The following SLC23A2 variants were observed in gnomAD, a reference collection of about 807,000 sequenced individuals.
The protein encoded by SLC23A2 is Na(+)/L-ascorbic acid transporter 2.
SLC23A2 carries 36 observed loss-of-function variants against 73.3 expected under a neutral mutation model. That is an observed-to-expected ratio of 0.49 (90% CI 0.38 to 0.65). The LOEUF is 0.65. Ranked by LOEUF, SLC23A2 falls within the 30% of genes least tolerant of loss-of-function variation. SLC23A2 has a pLI of 0.00. For synonymous variants in SLC23A2, 343 were observed against 327.3 expected, an observed-to-expected ratio of 1.05 and a Z score of -0.52; for missense variants, 507 against 841.6, an observed-to-expected ratio of 0.60 and a Z score of 4.92.
At chr20:4,919,910 T>C (rs1021099967) in intron 3 of SLC23A2, among the ~76,000 whole-genome samples, 2 of 152,080 alleles carry the variant, frequency 1.3e-5, no homozygotes, top group African/African-American at 2.4e-5. Flanking sequence ...GAAATAAACA[T>C]GCTTCTTGAA....
chr20:4,954,289 T>C (rs1265630596), intron 2 of SLC23A2, among the ~76,000 whole-genome samples: 1 of 152,266 alleles, frequency 6.6e-6, no homozygotes, highest in Non-Finnish European at 1.5e-5. Flanking sequence ...GCTAATATAA[T>C]AGATATCAAA....
rs202125400 is a variant in SLC23A2 at position 4,862,794 on chromosome 20, C to G, written c.1470G>C (p.Leu490=). The G allele has an allele frequency of 6.1e-5, 99 of 1,613,852 alleles. 1 individual carries two copies. The highest frequency in any genetic ancestry group is 8.3e-5 in the Admixed American group (5 of 60,016). The part of the protein sequence containing the change: ...ASLPDPVLGA[L]FCTLFGMITA... ...GAGTCTTACCAAAGAGCGTGCAGAACAGGGCTCCCAGCACAGGATCCGGAA... is the reference window on the plus strand; with the variant it reads ...GAGTCTTACCAAAGAGCGTGCAGAAGAGGGCTCCCAGCACAGGATCCGGAA... The change falls in exon 14 of 17, where the codon CTG becomes CTC. Residue 490 remains leucine (L), a synonymous_variant. Coordinates refer to ENST00000338244, the MANE Select transcript of SLC23A2 (RefSeq NM_005116.6). The surrounding 1 kb of genome is among the most constrained non-coding windows in gnomAD (Gnocchi z 5.1).
chr20:4,907,254 T>C (rs1715386), intron 4 of SLC23A2, among the ~76,000 whole-genome samples: 116,875 of 151,932 alleles, frequency 0.77, 45,286 homozygotes, highest in Non-Finnish European at 0.81. Context: ...CTAGAGAAAG[T>C]TGATCAGCCC....
chr20:5,003,453 C>G (rs1055887662), upstream of SLC23A2, among the ~76,000 whole-genome samples: 6 of 151,836 alleles, frequency 4.0e-5, no homozygotes. Flanking sequence ...GAGAAAAACT[C>G]ACGCATTGCC....
At chr20:4,966,039 G>C (rs1256646266) in intron 2 of SLC23A2, among the ~76,000 whole-genome samples, 6 of 150,832 alleles carry the variant, frequency 4.0e-5, no homozygotes, top group African/African-American at 1.5e-4. Flanking sequence ...CCATACTCCA[G>C]CTTGGATAAC....
At chr20:4,973,203 T>C (rs1304636772) in intron 1 of SLC23A2, among the ~76,000 whole-genome samples, 1 of 152,180 alleles carries the variant, frequency 6.6e-6, no homozygotes, top group Non-Finnish European at 1.5e-5. Flanking sequence ...TAAGAAAAGA[T>C]CGTGTGACCT....
At chr20:4,942,568 A>G (rs1049135507) in intron 2 of SLC23A2, among the ~76,000 whole-genome samples, 3 of 152,228 alleles carry the variant, frequency 2.0e-5, no homozygotes, top group Admixed American at 6.5e-5. Flanking sequence ...GCACAAATGC[A>G]GAAGCTTTTA....
chr20:5,000,824 A>C (rs1215132969), intron 1 of SLC23A2, among the ~76,000 whole-genome samples: 2 of 152,202 alleles, frequency 1.3e-5, no homozygotes, highest in East Asian at 3.9e-4. Context: ...CCCAGGGAAC[A>C]GGCCAGAAAG....
At chr20:4,938,310 A>ATT (rs2086991457) in intron 2 of SLC23A2, among the ~76,000 whole-genome samples, 1 of 146,228 alleles carries the variant, frequency 6.8e-6, no homozygotes, top group Non-Finnish European at 1.5e-5. Flanking sequence ...GAGCCACTGC[A>ATT]CCTGTAATCC....
At chr20:4,974,811 G>A (rs548300889) in intron 1 of SLC23A2, among the ~76,000 whole-genome samples, 2 of 152,118 alleles carry the variant, frequency 1.3e-5, no homozygotes, top group African/African-American at 4.8e-5. Flanking sequence ...TTTTTGAGAC[G>A]GAGTCTCGCT....
Position 4,859,276 on chromosome 20 carries a change from A to G in SLC23A2, c.1720+13T>C. On this transcript the variant is annotated intron_variant, in intron 16 of 16. Coordinates refer to ENST00000338244, the MANE Select transcript of SLC23A2 (RefSeq NM_005116.6). ...TAAAAAAAAAAAAAGTGTGTTTGAT[A>G]TATACCACGTACCTGGGATGGTGTT... 6.7e-7 allele frequency: 1 copy of G among 1,487,340 alleles called. No homozygotes were observed. Among genetic ancestry groups the G allele is most frequent in the South Asian group, 1.1e-5 (1 of 88,060 alleles). 92.1% of individuals were successfully genotyped at this position (1,487,340 alleles called of 1,614,324 possible).
chr20:4,890,090 CAGA>C (rs1931272404), intron 6 of SLC23A2, among the ~76,000 whole-genome samples: 1 of 151,968 alleles, frequency 6.6e-6, no homozygotes, highest in Non-Finnish European at 1.5e-5. Flanking sequence ...TGTATCTGCC[CAGA>C]ACTAAACTGT....
At chr20:4,981,697 C>T (rs895208678) in intron 1 of SLC23A2, among the ~76,000 whole-genome samples, 46 of 107,528 alleles carry the variant, frequency 4.3e-4, no homozygotes, top group African/African-American at 1.5e-3. Context: ...TTTCTTTCTT[C>T]CTTCCTTCCT....
At position 4,855,289 on chromosome 20, in the gene SLC23A2, G is replaced by A. The variant is rs1418584798; in HGVS notation, c.*1683C>T. ...GAGCTGAGCCAGCCTGGGGCCGAGG[G>A]GGACAGGAATGCACCGTGTGGACAC... On this transcript the variant is annotated 3_prime_UTR_variant, in exon 17 of 17. Transcript: ENST00000338244. 6.6e-6 allele frequency: 1 copy of A among 152,280 alleles called. No homozygotes were observed. The allele number at this position is 152,280 out of a possible 1,614,324, so 9.4% of individuals were successfully genotyped here.
chr20:4,906,774 A>G (rs553799065), intron 4 of SLC23A2, among the ~76,000 whole-genome samples: 2 of 152,372 alleles, frequency 1.3e-5, no homozygotes, highest in African/African-American at 4.8e-5. Context: ...AACAGGAGGA[A>G]TAAATATGAT....
At chr20:4,942,127 C>A (rs552774194) in intron 2 of SLC23A2, among the ~76,000 whole-genome samples, 1 of 152,318 alleles carries the variant, frequency 6.6e-6, no homozygotes, top group Admixed American at 6.5e-5. Context: ...GTTCCCCTTA[C>A]AGCATCTACC....
chr20:4,883,751 G>T lies in SLC23A2; in HGVS notation c.715C>A (p.Leu239Met). Residue 239 changes from leucine (L) to methionine (M), a missense_variant, in exon 9 of 17, where the codon CTG becomes ATG. Physicochemically the swap from Leu to Met is conservative, Grantham distance 15. Around this residue, in one of 5 missense-constraint regions of SLC23A2, gnomAD observed 217 missense variants for 398.0 expected, o/e 0.55. Coordinates refer to ENST00000338244, the MANE Select transcript of SLC23A2 (RefSeq NM_005116.6). The surrounding 1 kb of genome is among the most constrained non-coding windows in gnomAD (Gnocchi z 4.5). ...ATGGTCAAGGGACCGATGTACTTCAGTAGAGCCCCAGGCAGGCCGAGGAGG... is the reference window on the plus strand; with the variant it reads ...ATGGTCAAGGGACCGATGTACTTCATTAGAGCCCCAGGCAGGCCGAGGAGG... Reference protein sequence around the residue: ...IGLLGLPGALLKYIGPLTITP... With the variant: ...IGLLGLPGALMKYIGPLTITP... The T allele has an allele frequency of 3.1e-6, 5 of 1,613,974 alleles. No individual in the cohort carries two copies. The highest frequency in any genetic ancestry group is 1.3e-5 in the African/African-American group (1 of 75,028).
chr20:4,880,202 A>T (rs2122820020), intron 9 of SLC23A2, among the ~76,000 whole-genome samples: 1 of 152,342 alleles, frequency 6.6e-6, no homozygotes, highest in Admixed American at 6.5e-5. Context: ...CCTTTCACAG[A>T]GCTCTGGAAC....
intron 2 of SLC23A2, among the ~76,000 whole-genome samples, chr20:4,949,962 T>C (rs1256121912): frequency 6.6e-6 from 1 of 152,170 alleles, no homozygotes; most frequent in Admixed American, 6.6e-5. Flanking sequence ...CATGAGACGC[T>C]CTCAGGTGCT....
Sources: gnomAD v4.1 joint callset for allele counts (sites outside exome capture counted in the v4.1 genomes callset) on GRCh38, gnomAD v4.1.1 for gene constraint, gnomAD v4.1.1 regional missense constraint, Gnocchi (gnomAD v3.1) non-coding constraint, MANE v1.5 for transcripts, NCBI Gene and HGNC (gene_info 2026-07-23, HGNC 2026-07-21) for gene names.